Variants in NPR2 observed in about 807,000 individuals in gnomAD.
NPR2 encodes atrial natriuretic peptide receptor 2.
A neutral mutation model predicts 120.7 loss-of-function variants in NPR2; 49 were observed. That is an observed-to-expected ratio of 0.41 (90% CI 0.32 to 0.52). The LOEUF (loss-of-function observed/expected upper bound fraction) is 0.52, where lower values mean the gene tolerates loss of function less well. Among genes scored for constraint, NPR2 ranks in the 20% least tolerant of loss-of-function variants. The probability of loss-of-function intolerance (pLI) is 0.36; values close to 1 mark genes in which losing one functional copy is unlikely to be tolerated. For synonymous variants in NPR2, 484 were observed against 519.8 expected (o/e 0.93, Z 0.94); for missense variants, 931 against 1,362.9 (o/e 0.68, Z 4.99).
At position 35,806,889 on chromosome 9, in the gene NPR2, A is replaced by C; in HGVS notation, c.2520-134A>C. ...ATTAGACTGTAATGTCTTCCCAGCC[A>C]CTTTCCTCCCTCCCACCTGAAAAGC... is the stretch of plus-strand genomic sequence containing the variant. On this transcript the variant is annotated intron_variant, in intron 16 of 21. Coordinates refer to ENST00000342694, the MANE Select transcript of NPR2 (RefSeq NM_003995.4). The surrounding 1 kb of genome is among the most constrained non-coding windows in gnomAD (Gnocchi z 4.6). 9.8e-7 allele frequency: 1 copy of C among 1,015,900 alleles called. No homozygotes were observed. Among genetic ancestry groups the C allele is most frequent in the Non-Finnish European group, 1.5e-6 (1 of 669,066 alleles). The allele number at this position is 1,015,900 out of a possible 1,614,324, so 62.9% of individuals were successfully genotyped here. A position where few individuals can be genotyped will look rare whatever the true frequency, so the allele number is the denominator to read the frequency against.
At chr9:35,793,224 T>A (rs2132067545) in intron 1 of NPR2, 149 bp downstream of exon 1, 2 of 851,030 alleles carry the variant, frequency 2.4e-6, no homozygotes, top group East Asian at 2.7e-5. Flanking sequence ...AGAGCACCTG[T>A]GAGAGGGCCA....
chr9:35,802,419 G>A lies in NPR2; in HGVS notation c.1711-84G>A. ...AATCGTAGATACAACTAAGAGAAAG[G>A]TCCTCTTATGTAGTGGTAAGTTTCT... On this transcript the variant is annotated intron_variant, in intron 10 of 21. Transcript: ENST00000342694. This position sits in a 1 kb window ranked among gnomAD's most constrained non-coding sequence, Gnocchi z 4.2. The A allele has an allele frequency of 1.1e-6, 1 of 949,698 alleles. No individual in the cohort carries two copies. Among genetic ancestry groups the A allele is most frequent in the South Asian group, 1.3e-5 (1 of 77,138 alleles). 58.8% of individuals were successfully genotyped at this position (949,698 alleles called of 1,614,324 possible).
In NPR2 at chr9:35,809,564, A is replaced by T. The variant is rs779860186; in HGVS notation, c.*119A>T. On this transcript the variant is annotated 3_prime_UTR_variant, in exon 22 of 22. Transcript: ENST00000342694. This position sits in a 1 kb window ranked among gnomAD's most constrained non-coding sequence, Gnocchi z 4.1. ...CATATGCAATGGAAAACAGCCACAA[A>T]AAAACCTACCTTATATGGAAGTTGT... The T allele has an allele frequency of 8.5e-6, 13 of 1,537,272 alleles. No individual in the cohort carries two copies. The highest frequency in any genetic ancestry group is 1.8e-6 in the Non-Finnish European group (2 of 1,111,408).
Position 35,805,831 on chromosome 9 carries a change from G to A in NPR2, c.2049G>A (p.Lys683=). ...GGCCAGCCGGTTTCCTCTTTTCAGA[G>A]AAGCTGTGGACTGCCCCAGAACTGC... ...EPDDSHALYA[K]KLWTAPELLS... Residue 683 remains lysine (K), a splice_region_variant and synonymous_variant, in exon 14 of 22, where the codon AAG becomes AAA. Transcript: ENST00000342694. The surrounding 1 kb of genome is among the most constrained non-coding windows in gnomAD (Gnocchi z 4.9). The A allele has an allele frequency of 6.2e-7, 1 of 1,614,160 alleles. No individual in the cohort carries two copies. The highest frequency in any genetic ancestry group is 8.5e-7 in the Non-Finnish European group (1 of 1,180,014).
chr9:35,792,249 C>T lies in NPR2; in HGVS notation c.-160C>T. ...CGCCTTCCTCCCATCTCCCCCTCCT[C>T]TCCCCGGCCCCCAGCACCTTCTGCA... is the stretch of plus-strand genomic sequence containing the variant. On this transcript the variant is annotated 5_prime_UTR_variant, in exon 1 of 22. Coordinates refer to ENST00000342694, the MANE Select transcript of NPR2 (RefSeq NM_003995.4). 2.9e-6 allele frequency: 2 copies of T among 694,744 alleles called. No homozygotes were observed. The highest frequency in any genetic ancestry group is 3.7e-5 in the African/African-American group (2 of 54,794). The allele number at this position is 694,744 out of a possible 1,614,324, so 43.0% of individuals were successfully genotyped here.
At chr9:35,807,737 G>C (rs1399157598) in intron 18 of NPR2, among the ~76,000 whole-genome samples, 1 of 152,224 alleles carries the variant, frequency 6.6e-6, no homozygotes, top group Non-Finnish European at 1.5e-5. Context: ...GGTCCAGACT[G>C]ATTTAGTGGG....
chr9:35,803,736 C>T (rs140810440), intron 12 of NPR2, among the ~76,000 whole-genome samples: 3 of 152,356 alleles, frequency 2.0e-5, no homozygotes, highest in Non-Finnish European at 4.4e-5. Context: ...ATGAGCATCC[C>T]AGTGGATCAC....
intron 3 of NPR2, 65 bp downstream of exon 3, chr9:35,799,796 T>C: frequency 6.8e-7 from 1 of 1,465,982 alleles, no homozygotes; most frequent in Non-Finnish European, 9.6e-7. Flanking sequence ...TCTCCCAAAC[T>C]CAGCATCAAG....
rs771228832 is a variant in NPR2, at chr9:35,809,642, C to T, written c.*197C>T. The T allele has an allele frequency of 9.0e-7, 1 of 1,105,866 alleles. No homozygotes were observed. Among genetic ancestry groups the T allele is most frequent in the East Asian group, 2.3e-5 (1 of 42,640 alleles). 68.5% of individuals were successfully genotyped at this position (1,105,866 alleles called of 1,614,324 possible). On this transcript the variant is annotated 3_prime_UTR_variant, in exon 22 of 22. Coordinates refer to ENST00000342694, the MANE Select transcript of NPR2 (RefSeq NM_003995.4). The surrounding 1 kb of genome is among the most constrained non-coding windows in gnomAD (Gnocchi z 4.1). ...ATACCTGTCCCTCTCTGGCTTGGTC[C>T]CCTTCCTCCCTACTTTCTGTAAATA...
At chr9:35,795,594 A>T (rs1435157784) in intron 2 of NPR2, among the ~76,000 whole-genome samples, 1 of 152,202 alleles carries the variant, frequency 6.6e-6, no homozygotes, top group Non-Finnish European at 1.5e-5. Context: ...TGAGAATGAC[A>T]TAGCTGTTTG....
chr9:35,801,864 C>A, intron 8 of NPR2, 62 bp from the exon 9 acceptor site: 1 of 1,598,068 alleles, frequency 6.3e-7, no homozygotes, highest in Non-Finnish European at 8.6e-7. Flanking sequence ...ATAGCCCCTG[C>A]ACTACCACCA....
At position 35,793,878 on chromosome 9, in the gene NPR2, T is replaced by C; in HGVS notation, c.668-20T>C. 6.2e-7 allele frequency: 1 copy of C among 1,613,758 alleles called. No individual in the cohort carries two copies. The highest frequency in any genetic ancestry group is 8.5e-7 in the Non-Finnish European group (1 of 1,179,618). ...TGGATACCTTCTCAGGGTGCTCCTC[T>C]GTCATGTACCTGCTCCCAGTTGTGT... is the stretch of plus-strand genomic sequence containing the variant. On this transcript the variant is annotated intron_variant, in intron 1 of 21. Coordinates refer to ENST00000342694, the MANE Select transcript of NPR2 (RefSeq NM_003995.4).
chr9:35,801,837 CA>C, intron 8 of NPR2, 74 bp downstream of exon 8: 1 of 1,607,574 alleles, frequency 6.2e-7, no homozygotes, highest in Non-Finnish European at 8.5e-7. Flanking sequence ...TCTCTCCCAG[CA>C]CATTGGCTTG....
chr9:35,805,473 A>T lies in NPR2; in HGVS notation c.1888-38A>T, dbSNP rs751730570. On this transcript the variant is annotated intron_variant, in intron 12 of 21. Coordinates refer to ENST00000342694, the MANE Select transcript of NPR2 (RefSeq NM_003995.4). The surrounding 1 kb of genome is among the most constrained non-coding windows in gnomAD (Gnocchi z 4.9). ...ATGGAGAGAGGGTATTCTAAGCCAGATATGATCCAATCCCATGACTTGATC... is the reference window on the plus strand; with the variant it reads ...ATGGAGAGAGGGTATTCTAAGCCAGTTATGATCCAATCCCATGACTTGATC... 6.2e-7 allele frequency: 1 copy of T among 1,609,652 alleles called. No individual in the cohort carries two copies. The highest frequency in any genetic ancestry group is 1.1e-5 in the South Asian group (1 of 91,002).
At position 35,805,587 on chromosome 9, in the gene NPR2, G is replaced by A. The variant is rs1828336712; in HGVS notation, c.1964G>A (p.Arg655His). 1.9e-6 allele frequency: 3 copies of A among 1,614,054 alleles called. No individual in the cohort carries two copies. Among genetic ancestry groups the A allele is most frequent in the Non-Finnish European group, 8.5e-7 (1 of 1,180,022 alleles). ...LKSSNCVVDSRFVLKITDYGL... is the reference protein window; with the variant it reads ...LKSSNCVVDSHFVLKITDYGL... Reference sequence around the variant, plus strand: ...TCCTCCAACTGTGTGGTGGATAGTCGTTTTGTGCTCAAAATCACAGACTAT... The same window carrying A: ...TCCTCCAACTGTGTGGTGGATAGTCATTTTGTGCTCAAAATCACAGACTAT... Residue 655 changes from arginine (R) to histidine (H), a missense_variant, in exon 13 of 22, where the codon CGT becomes CAT. This residue lies in a region of NPR2 where 681 missense variants were observed against 974.3 expected (regional missense o/e 0.70). Transcript: ENST00000342694. This position sits in a 1 kb window ranked among gnomAD's most constrained non-coding sequence, Gnocchi z 4.9.
At chr9:35,807,466 C>A in intron 18 of NPR2, 68 bp downstream of exon 18, 2 of 1,245,338 alleles carry the variant, frequency 1.6e-6, no homozygotes, top group South Asian at 1.2e-5. Context: ...CTCAGTCTCC[C>A]TGAACCCCAC....
Position 35,809,085 on chromosome 9 carries a change from T to A in NPR2, c.2987-71T>A. 2.9e-6 allele frequency: 4 copies of A among 1,396,208 alleles called. No individual in the cohort carries two copies. The highest frequency in any genetic ancestry group is 4.1e-6 in the Non-Finnish European group (4 of 983,092). 86.5% of individuals were successfully genotyped at this position (1,396,208 alleles called of 1,614,324 possible). On this transcript the variant is annotated intron_variant, in intron 20 of 21. Coordinates refer to ENST00000342694, the MANE Select transcript of NPR2 (RefSeq NM_003995.4). This position sits in a 1 kb window ranked among gnomAD's most constrained non-coding sequence, Gnocchi z 4.1. ...GTTGGTCGGGCACGGTGCTATACAG[T>A]ATCACCAATTATTTGATTGCCTTTT...
At position 35,802,056 on chromosome 9, in the gene NPR2, T is replaced by G; in HGVS notation, c.1632+56T>G. On this transcript the variant is annotated intron_variant, in intron 9 of 21. Coordinates refer to ENST00000342694, the MANE Select transcript of NPR2 (RefSeq NM_003995.4). This position sits in a 1 kb window ranked among gnomAD's most constrained non-coding sequence, Gnocchi z 4.2. ...ACCATTTCATCCTGTCTCATCCCCA[T>G]CTGCCACCTCTGCCCCTGAACCTCT... 1 of 1,509,500 alleles carries G rather than the reference T, an allele frequency of 6.6e-7. No individual in the cohort carries two copies. Among genetic ancestry groups the G allele is most frequent in the Non-Finnish European group, 9.2e-7 (1 of 1,084,426 alleles). The allele number at this position is 1,509,500 out of a possible 1,614,324, so 93.5% of individuals were successfully genotyped here. A position where few individuals can be genotyped will look rare whatever the true frequency, so the allele number is the denominator to read the frequency against.
At position 35,806,589 on chromosome 9, in the gene NPR2, G is replaced by A; in HGVS notation, c.2519+51G>A. ...TTTTCTTTTGGGATTCTGCTCTGTT[G>A]GGCTCTGCCTCATCAGGCACCTGAG... On this transcript the variant is annotated intron_variant, in intron 16 of 21. Coordinates refer to ENST00000342694, the MANE Select transcript of NPR2 (RefSeq NM_003995.4). This position sits in a 1 kb window ranked among gnomAD's most constrained non-coding sequence, Gnocchi z 4.6. 1 of 1,609,222 alleles carries A rather than the reference G, an allele frequency of 6.2e-7. No individual in the cohort carries two copies. The highest frequency in any genetic ancestry group is 1.7e-5 in the Admixed American group (1 of 60,014).
Sources: allele counts gnomAD v4.1 joint callset (sites outside exome capture counted in the v4.1 genomes callset), GRCh38; gene constraint gnomAD v4.1.1; regional missense constraint gnomAD v4.1.1; non-coding constraint Gnocchi (gnomAD v3.1); transcripts MANE v1.5; gene names NCBI Gene and HGNC (gene_info 2026-07-23, HGNC 2026-07-21).